Variants in NOSTRIN observed in about 807,000 individuals in gnomAD.
NOSTRIN encodes nitric oxide synthase trafficking.
A neutral mutation model predicts 59.0 loss-of-function variants in NOSTRIN; 63 were observed. The observed-to-expected ratio is 1.07, with a 90% confidence interval of 0.87 to 1.32. The LOEUF is 1.32. NOSTRIN is among the 40% of genes most tolerant of loss of function. The pLI, the probability that NOSTRIN is intolerant of heterozygous loss-of-function variation, is 0.00. For missense variants in NOSTRIN, 512 were observed against 473.1 expected, an observed-to-expected ratio of 1.08 and a Z score of -0.76; for synonymous variants, 200 against 165.4, an observed-to-expected ratio of 1.21 and a Z score of -1.61.
chr2:168,825,715 T>C (rs572306381), intron 3 of NOSTRIN, among the ~76,000 whole-genome samples: 6 of 152,296 alleles, frequency 3.9e-5, no homozygotes, highest in Non-Finnish European at 8.8e-5. Flanking sequence ...AGTTCATTCG[T>C]GGTAATTTGC....
At chr2:168,822,931 T>C (rs888539434) in intron 2 of NOSTRIN, among the ~76,000 whole-genome samples, 2 of 152,266 alleles carry the variant, frequency 1.3e-5, no homozygotes, top group Non-Finnish European at 2.9e-5. Flanking sequence ...CCAACGATTA[T>C]AATCTAGAGC....
At chr2:168,812,274 C>T (rs988742482) in intron 2 of NOSTRIN, among the ~76,000 whole-genome samples, 1 of 152,158 alleles carries the variant, frequency 6.6e-6, no homozygotes, top group African/African-American at 2.4e-5. Flanking sequence ...CTTTTCCCTA[C>T]TTCTAGATAG....
intron 6 of NOSTRIN, chr2:168,834,023 T>C (rs1687527177): frequency 2.0e-6 from 1 of 510,982 alleles, no homozygotes; most frequent in African/African-American, 1.9e-5. Context: ...AAGTGTTAGC[T>C]GCTCTGATGT....
chr2:168,809,906 C>T (rs1254942084), intron 1 of NOSTRIN, among the ~76,000 whole-genome samples: 2 of 152,164 alleles, frequency 1.3e-5, no homozygotes, highest in South Asian at 4.2e-4. Context: ...ATTGGAACCT[C>T]ACTACAAGTG....
At chr2:168,827,241 A>G (rs115625712) in intron 3 of NOSTRIN, among the ~76,000 whole-genome samples, 341 of 152,286 alleles carry the variant, frequency 2.2e-3, no homozygotes, top group African/African-American at 7.8e-3. Context: ...ACATGGGGCC[A>G]CTGTGGAAGA....
At position 168,851,278 on chromosome 2, in the gene NOSTRIN, G is replaced by A; in HGVS notation, c.730-1G>A. ...TTATTCTGTTCCCCTTGGCATTGCA[G>A]TGCCACACGCAGATTCACTGTGCCA... On this transcript the variant is annotated splice_acceptor_variant, in intron 9 of 15. Coordinates refer to ENST00000317647, the MANE Select transcript of NOSTRIN (RefSeq NM_001039724.4). LOFTEE classifies it high-confidence loss of function. 1 of 1,613,792 alleles carries A rather than the reference G, an allele frequency of 6.2e-7. No homozygotes were observed. Among genetic ancestry groups the A allele is most frequent in the Non-Finnish European group, 8.5e-7 (1 of 1,179,956 alleles).
chr2:168,846,620 T>C (rs1233141872), intron 8 of NOSTRIN, among the ~76,000 whole-genome samples: 3 of 152,180 alleles, frequency 2.0e-5, no homozygotes, highest in Non-Finnish European at 4.4e-5. Context: ...CTTCAGATGA[T>C]AGAAATAACC....
Position 168,808,797 on chromosome 2 carries a change from T to C in NOSTRIN, c.28-2770T>C, listed in dbSNP as rs145625456. Among the ~76,000 whole-genome samples, 596 of 152,338 alleles carry C rather than the reference T, an allele frequency of 3.9e-3. 4 individuals carry two copies. The highest frequency in any genetic ancestry group is 0.014 in the African/African-American group (564 of 41,574). The stretch of plus-strand genomic sequence containing the variant: ...ATTTTCCCAAATTGATACATGTATG[T>C]AATACAATTCCAATTAGGATCCCAA... On this transcript the variant is annotated intron_variant, in intron 1 of 15. Coordinates refer to ENST00000317647, the MANE Select transcript of NOSTRIN (RefSeq NM_001039724.4).
At chr2:168,844,890 A>G (rs553985915) in intron 8 of NOSTRIN, among the ~76,000 whole-genome samples, 1 of 139,772 alleles carries the variant, frequency 7.2e-6, no homozygotes, top group East Asian at 2.1e-4. Context: ...AAAAAAAAAG[A>G]TTCAGCCTGG....
At chr2:168,846,800 C>T (rs1032503052) in intron 8 of NOSTRIN, among the ~76,000 whole-genome samples, 1 of 152,182 alleles carries the variant, frequency 6.6e-6, no homozygotes, top group Admixed American at 6.5e-5. Context: ...TCCCAGAACA[C>T]AGAAAATGAT....
intron 2 of NOSTRIN, among the ~76,000 whole-genome samples, chr2:168,820,104 C>T (rs1163001769): frequency 6.6e-6 from 1 of 152,204 alleles, no homozygotes; most frequent in Non-Finnish European, 1.5e-5. Context: ...TGTTCCACTT[C>T]TCCCACAATT....
intron 1 of NOSTRIN, among the ~76,000 whole-genome samples, chr2:168,807,683 A>G (rs1256106527): frequency 6.6e-6 from 1 of 152,180 alleles, no homozygotes; most frequent in Non-Finnish European, 1.5e-5. Flanking sequence ...TACCTTAGAC[A>G]CAAATCCTCT....
chr2:168,859,799 A>G (rs961742667), intron 13 of NOSTRIN, among the ~76,000 whole-genome samples, 162 bp downstream of exon 13: 1 of 152,232 alleles, frequency 6.6e-6, no homozygotes, highest in Non-Finnish European at 1.5e-5. Context: ...TTTGAGCACA[A>G]TAACAAGAGC....
At chr2:168,823,630 C>A (rs1399926373) in intron 2 of NOSTRIN, among the ~76,000 whole-genome samples, 1 of 152,194 alleles carries the variant, frequency 6.6e-6, no homozygotes, top group African/African-American at 2.4e-5. Context: ...TTTGGGCCCA[C>A]CCTGATGACC....
intron 12 of NOSTRIN, among the ~76,000 whole-genome samples, chr2:168,857,149 TG>T (rs990238783): frequency 6.6e-5 from 10 of 152,338 alleles, no homozygotes; most frequent in African/African-American, 2.4e-4. Flanking sequence ...TACAGGGACC[TG>T]GGTCAACTTT....
upstream of NOSTRIN, among the ~76,000 whole-genome samples, chr2:168,798,828 C>T (rs72881788): frequency 0.021 from 328 of 15,276 alleles, 1 homozygote; most frequent in Middle Eastern, 0.056. Context: ...GATAGATAGA[C>T]AGACAGACAG....
intron 6 of NOSTRIN, 194 bp from the exon 7 acceptor site, chr2:168,834,033 T>G: frequency 1.9e-6 from 1 of 527,838 alleles, no homozygotes. Flanking sequence ...TGCTCTGATG[T>G]TTTAGGTACA....
At chr2:168,797,062 C>CTTTATT (rs1209989955), upstream of NOSTRIN, among the ~76,000 whole-genome samples, 1 of 119,140 alleles carries the variant, frequency 8.4e-6, no homozygotes, top group Non-Finnish European at 1.8e-5. Flanking sequence ...TCTTTTCTTT[C>CTTTATT]TTTCTTTTTC....
At chr2:168,838,880 C>G (rs151024220) in intron 7 of NOSTRIN, among the ~76,000 whole-genome samples, 62 of 151,278 alleles carry the variant, frequency 4.1e-4, no homozygotes, top group African/African-American at 1.4e-3. Context: ...CTCTGCCTCC[C>G]AAGTTCAACA....
Sources: allele counts gnomAD v4.1 joint callset (sites outside exome capture counted in the v4.1 genomes callset), GRCh38; gene constraint gnomAD v4.1.1; transcripts MANE v1.5; gene names NCBI Gene and HGNC (gene_info 2026-07-23, HGNC 2026-07-21).